The following NEGR1 variants were observed in gnomAD, a reference collection of about 807,000 sequenced individuals.
NEGR1 encodes neuronal growth regulator 1.
A neutral mutation model predicts 40.9 loss-of-function variants in NEGR1; 10 were observed. The ratio of observed to expected loss-of-function variants is 0.24; its 90% CI spans 0.15 to 0.42. The LOEUF is 0.42. Among genes scored for constraint, NEGR1 ranks in the 10% least tolerant of loss-of-function variants. The probability of loss-of-function intolerance (pLI) is 1.00; values close to 1 mark genes in which losing one functional copy is unlikely to be tolerated. For missense variants in NEGR1, 352 were observed against 438.9 expected, an observed-to-expected ratio of 0.80 and a Z score of 1.77; for synonymous variants, 185 against 166.8, an observed-to-expected ratio of 1.11 and a Z score of -0.84.
intron 1 of NEGR1, among the ~76,000 whole-genome samples, chr1:72,174,686 C>T (rs1206128618): frequency 6.6e-6 from 1 of 151,992 alleles, no homozygotes; most frequent in Non-Finnish European, 1.5e-5. Context: ...ATTACTCTTT[C>T]CAAATAATGT....
At chr1:71,746,901 G>A (rs764029858) in intron 3 of NEGR1, among the ~76,000 whole-genome samples, 41 of 152,062 alleles carry the variant, frequency 2.7e-4, no homozygotes, top group Admixed American at 9.2e-4. Flanking sequence ...AGGCAGCCTG[G>A]ATATTAGCCA....
At chr1:71,455,605 G>A (rs1646667257) in intron 6 of NEGR1, among the ~76,000 whole-genome samples, 1 of 152,222 alleles carries the variant, frequency 6.6e-6, no homozygotes, top group South Asian at 2.1e-4. Context: ...CGCACCTTTA[G>A]TCCCAGCTAC....
chr1:71,851,150 C>T (rs1460470537), intron 2 of NEGR1, among the ~76,000 whole-genome samples: 1 of 152,120 alleles, frequency 6.6e-6, no homozygotes, highest in East Asian at 1.9e-4. Context: ...CAGGAAACCA[C>T]ACAACGCAGC....
chr1:71,948,177 A>G (rs533043292), intron 1 of NEGR1, among the ~76,000 whole-genome samples: 7 of 152,154 alleles, frequency 4.6e-5, no homozygotes, highest in Non-Finnish European at 1.0e-4. Context: ...GGAATGTAGC[A>G]CACTTTATTA....
intron 1 of NEGR1, among the ~76,000 whole-genome samples, chr1:72,144,954 G>A (rs750522380): frequency 6.6e-6 from 1 of 152,006 alleles, no homozygotes; most frequent in Non-Finnish European, 1.5e-5. Context: ...GGCTTGCATT[G>A]TCCTTCCATA....
intron 2 of NEGR1, among the ~76,000 whole-genome samples, chr1:71,848,701 A>T (rs1659501781): frequency 6.6e-6 from 1 of 152,216 alleles, no homozygotes; most frequent in Non-Finnish European, 1.5e-5. Flanking sequence ...ACACAAGGAG[A>T]TTAATGTTGC....
At chr1:72,199,150 CAG>C (rs34602311) in intron 1 of NEGR1, among the ~76,000 whole-genome samples, 1,180 of 114,924 alleles carry the variant, frequency 0.01, 7 homozygotes, top group African/African-American at 0.022. Context: ...GATAGACAGA[CAG>C]AGAGAGAGAG....
At chr1:71,639,832 G>A (rs1241029117) in intron 4 of NEGR1, among the ~76,000 whole-genome samples, 3 of 152,048 alleles carry the variant, frequency 2.0e-5, no homozygotes, top group Non-Finnish European at 4.4e-5. Context: ...TAGAGGGGTG[G>A]AGGAAGGGAA....
In NEGR1 at chr1:71,935,426, C is replaced by T. The variant is rs571397430; in HGVS notation, c.177-115G>A. ...ATAATAGCACAGCATCAAATGCAAACATCAGACATTAACTCAGGAAACATG... is the reference window on the plus strand; with the variant it reads ...ATAATAGCACAGCATCAAATGCAAATATCAGACATTAACTCAGGAAACATG... On this transcript the variant is annotated intron_variant, in intron 1 of 6. Transcript: ENST00000357731. 132 of 682,180 alleles carry T rather than the reference C, an allele frequency of 1.9e-4. No individual in the cohort carries two copies. The African/African-American group carries it at 2.1e-3, about 11-fold the overall frequency. 42.3% of individuals were successfully genotyped at this position (682,180 alleles called of 1,614,324 possible). A position where few individuals can be genotyped will look rare whatever the true frequency, so the allele number is the denominator to read the frequency against.
At chr1:71,624,663 T>C (rs1225139520) in intron 4 of NEGR1, among the ~76,000 whole-genome samples, 1 of 151,924 alleles carries the variant, frequency 6.6e-6, no homozygotes, top group South Asian at 2.1e-4. Flanking sequence ...TGATACTTCC[T>C]CAGTCTGGAA....
At chr1:71,796,514 G>A (rs1570358400) in intron 2 of NEGR1, among the ~76,000 whole-genome samples, 1 of 152,128 alleles carries the variant, frequency 6.6e-6, no homozygotes, top group East Asian at 1.9e-4. Flanking sequence ...CTACAAGAAA[G>A]GCTCAAGCGA....
intron 6 of NEGR1, among the ~76,000 whole-genome samples, chr1:71,522,289 A>C (rs1647163777): frequency 6.6e-6 from 1 of 152,018 alleles, no homozygotes; most frequent in South Asian, 2.1e-4. Flanking sequence ...TGAATGCATT[A>C]ATGCAAAAAT....
chr1:71,993,389 A>G (rs955772393), intron 1 of NEGR1, among the ~76,000 whole-genome samples: 3 of 152,198 alleles, frequency 2.0e-5, no homozygotes, highest in African/African-American at 7.2e-5. Flanking sequence ...CTGGCAGTGT[A>G]GGTAAGCCAT....
chr1:71,972,719 T>G (rs1646266775), intron 1 of NEGR1, among the ~76,000 whole-genome samples: 1 of 152,168 alleles, frequency 6.6e-6, no homozygotes, highest in Non-Finnish European at 1.5e-5. Context: ...TGGGATGCTA[T>G]GAAATTTCTA....
At chr1:72,019,040 G>T (rs578152339) in intron 1 of NEGR1, among the ~76,000 whole-genome samples, 1 of 152,242 alleles carries the variant, frequency 6.6e-6, no homozygotes, top group East Asian at 1.9e-4. Context: ...CATATGATTC[G>T]ATATGTATTT....
At chr1:72,036,839 AT>A (rs1472735461) in intron 1 of NEGR1, among the ~76,000 whole-genome samples, 5 of 152,194 alleles carry the variant, frequency 3.3e-5, no homozygotes, top group African/African-American at 9.6e-5. Flanking sequence ...AATAATCAAT[AT>A]GGTTAATTTC....
intron 6 of NEGR1, among the ~76,000 whole-genome samples, chr1:71,498,683 T>A (rs1187722009): frequency 2.0e-5 from 3 of 152,104 alleles, no homozygotes; most frequent in Non-Finnish European, 4.4e-5. Context: ...CTTGCTTCCA[T>A]TTTTTTCTGC....
intron 1 of NEGR1, among the ~76,000 whole-genome samples, chr1:72,019,192 T>C (rs544612345): frequency 1.6e-4 from 25 of 152,296 alleles, no homozygotes; most frequent in African/African-American, 5.1e-4. Flanking sequence ...TACATGCTTA[T>C]GTATTTTTAT....
intron 6 of NEGR1, among the ~76,000 whole-genome samples, chr1:71,559,477 T>C (rs1648370275): frequency 6.6e-6 from 1 of 151,576 alleles, no homozygotes; most frequent in African/African-American, 2.4e-5. Context: ...TTCTCAAATA[T>C]CCTGTTTAAT....
Sources: gnomAD v4.1 joint callset for allele counts (sites outside exome capture counted in the v4.1 genomes callset) on GRCh38, gnomAD v4.1.1 for gene constraint, MANE v1.5 for transcripts, NCBI Gene and HGNC (gene_info 2026-07-23, HGNC 2026-07-21) for gene names.